The following BRINP3 variants were observed in gnomAD, a reference collection of about 807,000 sequenced individuals.
BRINP3 encodes BMP/retinoic acid inducible neural specific 3.
BRINP3 carries 19 observed loss-of-function variants against 71.0 expected under a neutral mutation model. The observed-to-expected ratio is 0.27, with a 90% CI of 0.19 to 0.39. The LOEUF (loss-of-function observed/expected upper bound fraction) is 0.39, where lower values mean the gene tolerates loss of function less well. Among genes scored for constraint, BRINP3 ranks in the 10% least tolerant of loss-of-function variants. BRINP3 has a pLI of 1.00. For synonymous variants in BRINP3, 380 were observed against 337.7 expected (o/e 1.13, Z -1.37); for missense variants, 959 against 940.8 (o/e 1.02, Z -0.25).
chr1:190,280,994 T>C (rs901699158), intron 3 of BRINP3, among the ~76,000 whole-genome samples: 5 of 151,902 alleles, frequency 3.3e-5, no homozygotes, highest in African/African-American at 1.2e-4. Context: ...TTTAACAATA[T>C]CACACAATAG....
intron 7 of BRINP3, among the ~76,000 whole-genome samples, chr1:190,113,863 T>C (rs1652897028): frequency 6.6e-6 from 1 of 152,192 alleles, no homozygotes; most frequent in Admixed American, 6.5e-5. Flanking sequence ...TCTTTTGGAA[T>C]ACGTTTTTTT....
At chr1:190,371,167 A>G (rs1669836911) in intron 2 of BRINP3, among the ~76,000 whole-genome samples, 1 of 152,170 alleles carries the variant, frequency 6.6e-6, no homozygotes, top group African/African-American at 2.4e-5. Flanking sequence ...CTGTGCAAAA[A>G]CATTTAGTTT....
chr1:190,467,462 A>C (rs998107568), intron 1 of BRINP3, among the ~76,000 whole-genome samples: 6 of 151,488 alleles, frequency 4.0e-5, no homozygotes, highest in African/African-American at 1.5e-4. Flanking sequence ...TGCCTCCTTA[A>C]CTGCCATCTA....
At chr1:190,275,984 G>C (rs1327462500) in intron 3 of BRINP3, among the ~76,000 whole-genome samples, 1 of 151,272 alleles carries the variant, frequency 6.6e-6, no homozygotes, top group Non-Finnish European at 1.5e-5. Flanking sequence ...GACAGAAAGA[G>C]AATGAGACAG....
chr1:190,140,644 A>G (rs550666253), intron 7 of BRINP3, among the ~76,000 whole-genome samples: 43 of 152,322 alleles, frequency 2.8e-4, no homozygotes, highest in African/African-American at 1.0e-3. Context: ...AACTTTAATA[A>G]AATGTTAAAA....
At chr1:190,263,587 CTTTTTTTTT>C (rs34792964) in intron 4 of BRINP3, among the ~76,000 whole-genome samples, 2 of 129,454 alleles carry the variant, frequency 1.5e-5, no homozygotes, top group African/African-American at 5.7e-5. Flanking sequence ...GAAGTAGTAA[CTTTTTTTTT>C]TTTTTTTTTT....
chr1:190,323,084 T>C (rs1272544934), intron 2 of BRINP3, among the ~76,000 whole-genome samples: 3 of 151,972 alleles, frequency 2.0e-5, no homozygotes, highest in African/African-American at 7.2e-5. Flanking sequence ...AAAATATAAA[T>C]TAGTTATGGG....
chr1:190,159,694 G>C (rs1012306750), intron 7 of BRINP3, among the ~76,000 whole-genome samples: 5 of 151,930 alleles, frequency 3.3e-5, no homozygotes, highest in African/African-American at 7.2e-5. Flanking sequence ...CTGGGTGAAG[G>C]TTTATGAGGA....
At chr1:190,254,687 G>T (rs999692378) in intron 4 of BRINP3, among the ~76,000 whole-genome samples, 1 of 152,114 alleles carries the variant, frequency 6.6e-6, no homozygotes, top group Non-Finnish European at 1.5e-5. Flanking sequence ...AGACGATGGG[G>T]TTTTCTAAAT....
chr1:190,313,514 A>T (rs1359849411), intron 2 of BRINP3, among the ~76,000 whole-genome samples: 1 of 152,038 alleles, frequency 6.6e-6, no homozygotes, highest in Non-Finnish European at 1.5e-5. Flanking sequence ...AAAATTCTGC[A>T]ACCTATGTGA....
chr1:190,308,500 G>T (rs894795375), intron 2 of BRINP3, among the ~76,000 whole-genome samples: 2 of 151,348 alleles, frequency 1.3e-5, no homozygotes, highest in Non-Finnish European at 3.0e-5. Context: ...TGTAGGGTGG[G>T]GGAAGGGGGG....
intron 7 of BRINP3, among the ~76,000 whole-genome samples, chr1:190,150,085 G>C (rs1656250983): frequency 6.6e-6 from 1 of 152,024 alleles, no homozygotes; most frequent in African/African-American, 2.4e-5. Flanking sequence ...GTGCTGGTAT[G>C]CATCTCATAA....
intron 7 of BRINP3, among the ~76,000 whole-genome samples, chr1:190,138,070 T>C (rs1655123699): frequency 6.6e-6 from 1 of 152,094 alleles, no homozygotes; most frequent in Non-Finnish European, 1.5e-5. Flanking sequence ...TTCTCCTGCC[T>C]CAGCCTCCTG....
chr1:190,273,921 T>C (rs1034524290), intron 3 of BRINP3, among the ~76,000 whole-genome samples: 1 of 151,644 alleles, frequency 6.6e-6, no homozygotes, highest in African/African-American at 2.4e-5. Flanking sequence ...AATGCAAACA[T>C]GCATACATAG....
chr1:190,211,979 C>A (rs1021302937), intron 6 of BRINP3, among the ~76,000 whole-genome samples: 1 of 151,936 alleles, frequency 6.6e-6, no homozygotes, highest in African/African-American at 2.4e-5. Context: ...AGCTAAATAC[C>A]CTCCCTGGTA....
chr1:190,461,287 T>G (rs115129137), intron 1 of BRINP3, among the ~76,000 whole-genome samples: 2,955 of 152,286 alleles, frequency 0.019, 101 homozygotes, highest in African/African-American at 0.067. Flanking sequence ...CTCTCCAAGA[T>G]CTTAGTTTAT....
At chr1:190,186,572 A>T (rs1653547432) in intron 6 of BRINP3, among the ~76,000 whole-genome samples, 1 of 152,182 alleles carries the variant, frequency 6.6e-6, no homozygotes, top group African/African-American at 2.4e-5. Flanking sequence ...TCTTCTTGGT[A>T]CTTTCACAGT....
At chr1:190,439,102 G>T (rs61818807) in intron 2 of BRINP3, among the ~76,000 whole-genome samples, 1 of 151,820 alleles carries the variant, frequency 6.6e-6, no homozygotes, top group Non-Finnish European at 1.5e-5. Context: ...TGACCCAAAA[G>T]GCGAGAGGCG....
At chr1:190,363,189 C>A (rs545523020) in intron 2 of BRINP3, among the ~76,000 whole-genome samples, 1 of 152,160 alleles carries the variant, frequency 6.6e-6, no homozygotes, top group African/African-American at 2.4e-5. Flanking sequence ...AAGAGCAGAC[C>A]CTGGCCAACA....
Sources: gnomAD v4.1 joint callset for allele counts (sites outside exome capture counted in the v4.1 genomes callset) on GRCh38, gnomAD v4.1.1 for gene constraint, MANE v1.5 for transcripts, NCBI Gene and HGNC (gene_info 2026-07-23, HGNC 2026-07-21) for gene names.